MSANTD5: variants seen among roughly 807,000 people sequenced by gnomAD.
The protein encoded by MSANTD5 is uncharacterized protein MSANTD5.
downstream of MSANTD5, among the ~76,000 whole-genome samples, chr5:178,694,128 C>G (rs1015913187): frequency 6.6e-6 from 1 of 151,768 alleles, no homozygotes; most frequent in Non-Finnish European, 1.5e-5. Flanking sequence ...ACCAGCCTGT[C>G]CAAGATGGTG....
intron 1 of MSANTD5, 145 bp downstream of exon 1, chr5:178,697,441 G>C (rs184726501): frequency 6.6e-6 from 1 of 152,198 alleles, no homozygotes; most frequent in South Asian, 2.1e-4. Context: ...GCGACAGAGC[G>C]AGACTCCGTC....
chr5:178,694,315 CAAAAAAAA>C (rs56778816), downstream of MSANTD5, among the ~76,000 whole-genome samples: 1 of 61,534 alleles, frequency 1.6e-5, no homozygotes, highest in Admixed American at 1.9e-4. Flanking sequence ...GACTCCATCT[CAAAAAAAA>C]AAAAAAAAAA....
At chr5:178,692,250 G>A (rs931377507), downstream of MSANTD5, among the ~76,000 whole-genome samples, 3 of 149,608 alleles carry the variant, frequency 2.0e-5, no homozygotes, top group Non-Finnish European at 4.5e-5. Context: ...CATGGTGGCA[G>A]GCGCCTGTAA....
At chr5:178,696,997 T>C (rs990118036) in intron 1 of MSANTD5, among the ~76,000 whole-genome samples, 2 of 152,076 alleles carry the variant, frequency 1.3e-5, no homozygotes, top group African/African-American at 2.4e-5. Flanking sequence ...GTCTGCCTAG[T>C]CCAAGGGGCT....
chr5:178,697,447 C>T (rs1765431302), intron 1 of MSANTD5, 139 bp downstream of exon 1: 1 of 152,150 alleles, frequency 6.6e-6, no homozygotes, highest in African/African-American at 2.4e-5. Context: ...GAGCGAGACT[C>T]CGTCTCAAAA....
chr5:178,697,200 A>G (rs1387379572), intron 1 of MSANTD5, among the ~76,000 whole-genome samples: 10 of 152,198 alleles, frequency 6.6e-5, no homozygotes, highest in African/African-American at 9.6e-5. Flanking sequence ...CACGCCTGTA[A>G]TCCCAGCACT....
At chr5:178,692,304 C>T (rs1030624958), downstream of MSANTD5, among the ~76,000 whole-genome samples, 1 of 150,938 alleles carries the variant, frequency 6.6e-6, no homozygotes, top group Admixed American at 6.6e-5. Flanking sequence ...TGCTTGAAAC[C>T]CAGGGACAGA....
chr5:178,705,820 G>C, the MSANTD5 span, among the ~76,000 whole-genome samples: 9 of 152,118 alleles, frequency 5.9e-5, no homozygotes, highest in Non-Finnish European at 1.3e-4. Context: ...AGCTGGGCGT[G>C]GTGGTGGGCG....
the MSANTD5 span, among the ~76,000 whole-genome samples, chr5:178,706,119 G>A: frequency 1.3e-5 from 2 of 152,004 alleles, no homozygotes; most frequent in African/African-American, 4.8e-5. Flanking sequence ...TGCTTTTTCC[G>A]CCTGAAGATA....
chr5:178,700,212 T>C (rs899902739), upstream of MSANTD5, among the ~76,000 whole-genome samples: 1 of 152,092 alleles, frequency 6.6e-6, no homozygotes, highest in Non-Finnish European at 1.5e-5. Flanking sequence ...TCTCCTCAAC[T>C]TGGACACAGT....
At chr5:178,697,857 AT>A (rs1471658551), upstream of MSANTD5, among the ~76,000 whole-genome samples, 2 of 152,240 alleles carry the variant, frequency 1.3e-5, no homozygotes, top group Non-Finnish European at 2.9e-5. Context: ...AGATAAACTA[AT>A]TTAGTACTTT....
chr5:178,700,624 A>C (rs1581735064), upstream of MSANTD5, among the ~76,000 whole-genome samples: 2 of 152,124 alleles, frequency 1.3e-5, no homozygotes, highest in South Asian at 4.1e-4. Context: ...GAGTGTGACC[A>C]TCCTGAGAGT....
upstream of MSANTD5, among the ~76,000 whole-genome samples, chr5:178,701,035 G>A (rs1373159689): frequency 6.6e-5 from 10 of 152,096 alleles, no homozygotes; most frequent in Admixed American, 1.3e-4. Context: ...GTGCAGTGGC[G>A]CGATCTCGGC....
At chr5:178,699,627 T>G (rs1581734685), upstream of MSANTD5, among the ~76,000 whole-genome samples, 1 of 152,168 alleles carries the variant, frequency 6.6e-6, no homozygotes, top group African/African-American at 2.4e-5. Context: ...GCTAGGCTGG[T>G]CTTGAACTCC....
At position 178,695,900 on chromosome 5, in the gene MSANTD5, G is replaced by C. The variant is rs377452973; in HGVS notation, c.91+197C>G. Reference sequence around the variant, plus strand: ...TGCCTGAGAGTGCTCCCCTGATGTGGGACTCACATCCCATCCCTGTGGGGC... The same window carrying C: ...TGCCTGAGAGTGCTCCCCTGATGTGCGACTCACATCCCATCCCTGTGGGGC... On this transcript the variant is annotated intron_variant, in intron 2 of 3. Transcript: ENST00000648368. 5.3e-5 allele frequency among the ~76,000 whole-genome samples: 8 copies of C among 152,234 alleles called. 1 individual carries two copies. In the South Asian group the frequency reaches 1.2e-3, roughly 24 times the overall value.
upstream of MSANTD5, among the ~76,000 whole-genome samples, chr5:178,701,406 G>A: frequency 6.6e-6 from 1 of 152,002 alleles, no homozygotes; most frequent in Non-Finnish European, 1.5e-5. Flanking sequence ...CAACAAGGTC[G>A]AATACTGGGG....
chr5:178,703,851 C>T, the MSANTD5 span, among the ~76,000 whole-genome samples: 24 of 151,790 alleles, frequency 1.6e-4, no homozygotes, highest in Admixed American at 3.9e-4. Flanking sequence ...CATGGTGGCG[C>T]GTGCCCATAG....
At chr5:178,694,260 G>A (rs1765386687), downstream of MSANTD5, among the ~76,000 whole-genome samples, 1 of 144,144 alleles carries the variant, frequency 6.9e-6, no homozygotes, top group Admixed American at 7.2e-5. Context: ...AGGTTGCAGT[G>A]AGCCGAGATC....
the MSANTD5 span, among the ~76,000 whole-genome samples, chr5:178,703,752 G>A: frequency 9.9e-5 from 15 of 152,060 alleles, no homozygotes; most frequent in African/African-American, 3.4e-4. Context: ...GGAGGCTGAG[G>A]CAGGTGGATC....
Sources: gnomAD v4.1 joint callset for allele counts (sites outside exome capture counted in the v4.1 genomes callset) on GRCh38, gnomAD v4.1.1 for gene constraint, MANE v1.5 for transcripts, NCBI Gene and HGNC (gene_info 2026-07-23, HGNC 2026-07-21) for gene names.